Variants in UTRN observed in about 807,000 individuals in gnomAD.
The protein encoded by UTRN is utrophin.
A neutral mutation model predicts 463.9 loss-of-function variants in UTRN; 283 were observed. The observed-to-expected ratio is 0.61, with a 90% confidence interval of 0.55 to 0.67. UTRN has a LOEUF of 0.67. Ranked by LOEUF, UTRN falls within the 30% of genes least tolerant of loss-of-function variation. The pLI is 0.00. For missense variants in UTRN, 3,922 were observed against 4,084.3 expected, an observed-to-expected ratio of 0.96 and a Z score of 1.08; for synonymous variants, 1,442 against 1,431.5, an observed-to-expected ratio of 1.01 and a Z score of -0.17.
chr6:144,595,402 C>A (rs1378975330), intron 51 of UTRN, among the ~76,000 whole-genome samples: 3 of 152,202 alleles, frequency 2.0e-5, no homozygotes, highest in Non-Finnish European at 2.9e-5. Context: ...GTGACTAACT[C>A]AAACTTCTGT....
At chr6:144,609,898 G>A (rs1454380345) in intron 51 of UTRN, among the ~76,000 whole-genome samples, 1 of 151,964 alleles carries the variant, frequency 6.6e-6, no homozygotes, top group South Asian at 2.1e-4. Context: ...TGGAAACACA[G>A]CATACCAAAA....
At chr6:144,462,470 G>A (rs1034677690) in intron 22 of UTRN, among the ~76,000 whole-genome samples, 184 bp from the exon 23 acceptor site, 1 of 152,162 alleles carries the variant, frequency 6.6e-6, no homozygotes, top group African/African-American at 2.4e-5. Flanking sequence ...TTAGGTCTTT[G>A]AGGAATCACC....
intron 51 of UTRN, among the ~76,000 whole-genome samples, chr6:144,614,997 T>G (rs780492888): frequency 6.6e-6 from 1 of 152,112 alleles, no homozygotes; most frequent in Non-Finnish European, 1.5e-5. Flanking sequence ...ACCCCCCTCT[T>G]TCCCGATATT....
At position 144,675,171 on chromosome 6, in the gene UTRN, C is replaced by G. The variant is rs370226731; in HGVS notation, c.7480-3235C>G. On this transcript the variant is annotated intron_variant, in intron 51 of 74. Coordinates refer to ENST00000367545, the MANE Select transcript of UTRN (RefSeq NM_007124.3). ...TGATCACTTGATGTAGTGGTCTCCC[C>G]CTTCCCCTAGGGATGGGGCTTCCTG... Among the ~76,000 whole-genome samples, 4 of 152,256 alleles carry G rather than the reference C, an allele frequency of 2.6e-5. No individual in the cohort carries two copies. In the South Asian group the frequency reaches 8.3e-4, roughly 32 times the overall value.
intron 52 of UTRN, among the ~76,000 whole-genome samples, chr6:144,695,675 A>G (rs897179362): frequency 2.0e-5 from 3 of 152,190 alleles, no homozygotes; most frequent in African/African-American, 7.2e-5. Context: ...CCAACATGCT[A>G]CATCTCCTTT....
rs58250042 is a variant in UTRN, at chr6:144,538,669, C to CAA, written c.6370-608_6370-607dup. On this transcript the variant is annotated intron_variant, in intron 44 of 74. Transcript: ENST00000367545. Reference sequence around the variant, plus strand: ...TGGCTGACAGAGCGAGACTCCGTCTCAAAAAAAAAAAAAAAAAAGAAATTA... The same window carrying CAA: ...TGGCTGACAGAGCGAGACTCCGTCTCAAAAAAAAAAAAAAAAAAAAGAAATTA... 8.0e-3 allele frequency among the ~76,000 whole-genome samples: 638 copies of CAA among 79,256 alleles called. 3 individuals are homozygous for CAA. Among genetic ancestry groups the CAA allele is most frequent in the Non-Finnish European group, 0.013 (475 of 37,258 alleles). 52.0% of individuals were successfully genotyped at this position (79,256 alleles called of 152,430 possible).
At chr6:144,540,254 T>C (rs141630127) in intron 45 of UTRN, among the ~76,000 whole-genome samples, 95 of 152,206 alleles carry the variant, frequency 6.2e-4, no homozygotes, top group African/African-American at 2.2e-3. Context: ...TAAAAGTAGA[T>C]AAAGTCATAG....
At chr6:144,597,095 G>A (rs556823632) in intron 51 of UTRN, among the ~76,000 whole-genome samples, 12 of 152,166 alleles carry the variant, frequency 7.9e-5, no homozygotes, top group African/African-American at 2.6e-4. Flanking sequence ...AAAATTAGCC[G>A]GATGTGGTGG....
intron 12 of UTRN, among the ~76,000 whole-genome samples, chr6:144,439,284 G>A (rs1272224573): frequency 3.3e-5 from 5 of 152,098 alleles, no homozygotes; most frequent in African/African-American, 1.2e-4. Flanking sequence ...AATTGGGTGG[G>A]CAATTTAATT....
chr6:144,288,656 CAGT>C (rs1167269844), intron 1 of UTRN, among the ~76,000 whole-genome samples: 1 of 151,662 alleles, frequency 6.6e-6, no homozygotes, highest in Non-Finnish European at 1.5e-5. Context: ...AAATTTTTAG[CAGT>C]AGTAGAGCCT....
intron 69 of UTRN, among the ~76,000 whole-genome samples, chr6:144,834,245 G>T (rs1319414201): frequency 6.6e-6 from 1 of 151,928 alleles, no homozygotes; most frequent in Non-Finnish European, 1.5e-5. Context: ...ATTATATTGT[G>T]GCCTTAACCA....
At chr6:144,635,745 G>T (rs1179014262) in intron 51 of UTRN, among the ~76,000 whole-genome samples, 1 of 150,790 alleles carries the variant, frequency 6.6e-6, no homozygotes, top group Non-Finnish European at 1.5e-5. Flanking sequence ...ATGCCATTTG[G>T]CCAGGCTGGT....
intron 52 of UTRN, among the ~76,000 whole-genome samples, chr6:144,680,553 A>AC (rs1782103038): frequency 6.6e-6 from 1 of 152,166 alleles, no homozygotes; most frequent in Non-Finnish European, 1.5e-5. Flanking sequence ...AGATTCAAGC[A>AC]CTTATTCAAG....
intron 26 of UTRN, among the ~76,000 whole-genome samples, chr6:144,480,884 T>G (rs1250162363): frequency 1.3e-5 from 2 of 152,190 alleles, no homozygotes; most frequent in Non-Finnish European, 2.9e-5. Flanking sequence ...TATACATGAA[T>G]CAAAGTAAAT....
intron 58 of UTRN, among the ~76,000 whole-genome samples, chr6:144,769,654 T>A (rs1320336467): frequency 6.6e-6 from 1 of 152,222 alleles, no homozygotes; most frequent in Non-Finnish European, 1.5e-5. Context: ...GCATATTTGT[T>A]GTTTAAGTAT....
intron 2 of UTRN, among the ~76,000 whole-genome samples, chr6:144,305,909 T>G (rs757797444): frequency 3.9e-5 from 6 of 152,256 alleles, no homozygotes; most frequent in Non-Finnish European, 7.3e-5. Flanking sequence ...GGATAGGAGA[T>G]TCACTGCAGT....
chr6:144,422,677 T>A (rs1447167867), intron 4 of UTRN, among the ~76,000 whole-genome samples: 1 of 152,212 alleles, frequency 6.6e-6, no homozygotes, highest in Non-Finnish European at 1.5e-5. Context: ...ATTTTCAGGA[T>A]TATATTTTGT....
intron 2 of UTRN, among the ~76,000 whole-genome samples, chr6:144,383,016 C>T (rs779135096): frequency 1.3e-4 from 20 of 152,204 alleles, no homozygotes; most frequent in Admixed American, 4.6e-4. Flanking sequence ...ACTGCAGCCT[C>T]GAACTCTTGG....
intron 33 of UTRN, among the ~76,000 whole-genome samples, chr6:144,498,350 G>T (rs942761976): frequency 1.3e-5 from 2 of 152,222 alleles, no homozygotes; most frequent in East Asian, 3.8e-4. Flanking sequence ...CAACACGGAA[G>T]CTGTATTAAG....
Sources: allele counts gnomAD v4.1 joint callset (sites outside exome capture counted in the v4.1 genomes callset), GRCh38; gene constraint gnomAD v4.1.1; transcripts MANE v1.5; gene names NCBI Gene and HGNC (gene_info 2026-07-23, HGNC 2026-07-21).